The following AKAP13 variants were observed in gnomAD, a reference collection of about 807,000 sequenced individuals.
AKAP13 encodes A-kinase anchor protein 13.
In AKAP13, 80 loss-of-function variants were observed where a neutral mutation model predicts 264.5. The observed-to-expected ratio is 0.30, with a 90% CI of 0.25 to 0.36. AKAP13 has a LOEUF of 0.36. Ranked by LOEUF, AKAP13 falls within the 10% of genes least tolerant of loss-of-function variation. The pLI, the probability that AKAP13 is intolerant of heterozygous loss-of-function variation, is 1.00. For synonymous variants in AKAP13, 1,380 were observed against 1,250.2 expected (o/e 1.10, Z -2.19); for missense variants, 3,712 against 3,435.2 (o/e 1.08, Z -2.01).
intron 1 of AKAP13, among the ~76,000 whole-genome samples, chr15:85,392,323 C>T (rs1216746084): frequency 4.4e-5 from 6 of 137,798 alleles, no homozygotes; most frequent in East Asian, 2.1e-4. Context: ...GGCGCTATCT[C>T]GGCTCACTGC....
Position 85,658,568 on chromosome 15 carries a change from A to G in AKAP13, c.4777A>G (p.Arg1593Gly). ...GCGAGTTCTTGGGGATGTTGTCAGG[A>G]GACCTCCCATTCATAGGAGAAGGTA... Reference protein sequence around the residue: ...SMRVLGDVVRRPPIHRRSFSL... With the variant: ...SMRVLGDVVRGPPIHRRSFSL... Residue 1593 changes from arginine to glycine, a missense_variant, in exon 12 of 37, where the codon AGA becomes GGA. Physicochemically the swap from Arg to Gly is moderately radical, Grantham distance 125 (BLOSUM62 -2). Coordinates refer to ENST00000394518, the MANE Select transcript of AKAP13 (RefSeq NM_007200.5). 1 of 1,613,992 alleles carries G rather than the reference A, an allele frequency of 6.2e-7. No individual in the cohort carries two copies. The highest frequency in any genetic ancestry group is 8.5e-7 in the Non-Finnish European group (1 of 1,179,924).
At chr15:85,529,598 T>A (rs2077185793) in intron 3 of AKAP13, among the ~76,000 whole-genome samples, 1 of 152,166 alleles carries the variant, frequency 6.6e-6, no homozygotes, top group Admixed American at 6.5e-5. Context: ...TTTTAAAAAA[T>A]GCTGATTTAC....
rs768976850 is a variant in AKAP13 at position 85,727,175 on chromosome 15, T to C, written c.6932T>C (p.Val2311Ala). ...ATGGGGATGACAGATCCAGAGATGG[T>C]AGAAGTCCATGCCAGCTCCAAAGAG... ...ISMGMTDPEM[V>A]EVHASSKEER... The change falls in exon 28 of 37, where the codon GTA (valine) becomes GCA (alanine). Residue 2311 changes from valine to alanine, a missense_variant. Physicochemically the swap from Val to Ala is moderately conservative, Grantham distance 64 (BLOSUM62 0). Coordinates refer to ENST00000394518, the MANE Select transcript of AKAP13 (RefSeq NM_007200.5). This position sits in a 1 kb window ranked among gnomAD's most constrained non-coding sequence, Gnocchi z 5.3. The C allele has an allele frequency of 1.2e-5, 20 of 1,614,064 alleles. No homozygotes were observed. The highest frequency in any genetic ancestry group is 1.6e-5 in the Non-Finnish European group (19 of 1,180,038).
chr15:85,701,984 G>A (rs1249378531), intron 17 of AKAP13, among the ~76,000 whole-genome samples: 2 of 151,960 alleles, frequency 1.3e-5, no homozygotes, highest in Non-Finnish European at 2.9e-5. Flanking sequence ...GGTGGCTCAC[G>A]CCTGTAATCC....
chr15:85,557,547 A>C (rs1278832748), intron 5 of AKAP13, among the ~76,000 whole-genome samples: 1 of 152,080 alleles, frequency 6.6e-6, no homozygotes, highest in East Asian at 1.9e-4. Context: ...GCAGTGGCCC[A>C]GTCATGGCTC....
chr15:85,628,778 A>G (rs190350868), intron 8 of AKAP13, among the ~76,000 whole-genome samples: 65 of 152,346 alleles, frequency 4.3e-4, no homozygotes, highest in African/African-American at 1.5e-3. Context: ...ATTTTTGTCT[A>G]AATCAACAAT....
rs114160890 is a variant in AKAP13, at chr15:85,581,197, G to A, written c.3129G>A (p.Leu1043=). 141 of 1,613,862 alleles carry A rather than the reference G, an allele frequency of 8.7e-5. No homozygotes were observed. In the East Asian group the frequency reaches 3.1e-3, roughly 35 times the overall value. Residue 1043 remains leucine, a synonymous_variant, in exon 7 of 37, where the codon TTG becomes TTA. Transcript: ENST00000394518. The part of the protein sequence containing the change: ...LGAEHNSSAL[L]PCLLPDGSDG... Reference sequence around the variant, plus strand: ...CAGAGCACAACAGCTCCGCTCTGTTGCCATGTCTGTTGCCAGATGGGTCTG... The same window carrying A: ...CAGAGCACAACAGCTCCGCTCTGTTACCATGTCTGTTGCCAGATGGGTCTG...
At chr15:85,692,608 C>T (rs1350927717) in intron 16 of AKAP13, among the ~76,000 whole-genome samples, 2 of 152,130 alleles carry the variant, frequency 1.3e-5, no homozygotes, top group African/African-American at 4.8e-5. Context: ...GGTTTTCCAG[C>T]CTCCCCTTCT....
At chr15:85,533,207 G>A (rs999369695) in intron 3 of AKAP13, among the ~76,000 whole-genome samples, 3 of 152,114 alleles carry the variant, frequency 2.0e-5, no homozygotes, top group Non-Finnish European at 4.4e-5. Context: ...TAGTTCAGTA[G>A]CTATTGGACT....
intron 5 of AKAP13, among the ~76,000 whole-genome samples, chr15:85,563,744 C>G (rs1351020952): frequency 1.3e-5 from 2 of 152,154 alleles, no homozygotes; most frequent in Non-Finnish European, 2.9e-5. Flanking sequence ...TAAGAGGGTG[C>G]TAATATTTAT....
chr15:85,462,848 C>T (rs1307412810), intron 1 of AKAP13, among the ~76,000 whole-genome samples: 1 of 150,634 alleles, frequency 6.6e-6, no homozygotes, highest in South Asian at 2.1e-4. Flanking sequence ...AATGATGAAA[C>T]CCCGTCTCTA....
At chr15:85,604,785 TCAG>T (rs200464495) in intron 8 of AKAP13, among the ~76,000 whole-genome samples, 1 of 94,704 alleles carries the variant, frequency 1.1e-5, no homozygotes, top group Non-Finnish European at 2.4e-5. Context: ...TTTAGGTTCA[TCAG>T]AATGAGAGTT....
In AKAP13 at chr15:85,644,737, G is replaced by A. The variant is rs962180018; in HGVS notation, c.4238-1081G>A. On this transcript the variant is annotated intron_variant, in intron 9 of 36. Coordinates refer to ENST00000394518, the MANE Select transcript of AKAP13 (RefSeq NM_007200.5). ...AAAAATTAGCCAGGCATGGTGGCACGTGCCTGTAGTCCCAGCTACTCAAGA... is the reference window on the plus strand; with the variant it reads ...AAAAATTAGCCAGGCATGGTGGCACATGCCTGTAGTCCCAGCTACTCAAGA... Among the ~76,000 whole-genome samples, 6 of 150,234 alleles carry A rather than the reference G, an allele frequency of 4.0e-5. No individual in the cohort carries two copies. In the South Asian group the frequency reaches 1.3e-3, roughly 32 times the overall value.
chr15:85,584,609 C>T lies in AKAP13; in HGVS notation c.4040-1093C>T, dbSNP rs562933613. 2.0e-5 allele frequency among the ~76,000 whole-genome samples: 3 copies of T among 152,212 alleles called. No homozygotes were observed. The East Asian group carries it at 5.8e-4, about 29-fold the overall frequency. On this transcript the variant is annotated intron_variant, in intron 7 of 36. Coordinates refer to ENST00000394518, the MANE Select transcript of AKAP13 (RefSeq NM_007200.5). ...GGAAACTTGTTTACCCATTTTTAAA[C>T]TGCTGGTAAGATTATATAATTATAA... is the stretch of plus-strand genomic sequence containing the variant.
intron 30 of AKAP13, among the ~76,000 whole-genome samples, chr15:85,733,497 A>G (rs2088198687): frequency 6.6e-6 from 1 of 152,162 alleles, no homozygotes; most frequent in Non-Finnish European, 1.5e-5. Flanking sequence ...ATGTGGTTTC[A>G]AATTTTTCAG....
At chr15:85,460,914 T>G (rs2074484596) in intron 1 of AKAP13, among the ~76,000 whole-genome samples, 1 of 151,794 alleles carries the variant, frequency 6.6e-6, no homozygotes, top group Non-Finnish European at 1.5e-5. Context: ...GTGAGATCGA[T>G]CTCAGATTTC....
chr15:85,721,670 T>C (rs1346309292), intron 23 of AKAP13, among the ~76,000 whole-genome samples: 1 of 152,280 alleles, frequency 6.6e-6, no homozygotes, highest in Non-Finnish European at 1.5e-5. Flanking sequence ...TTACTCTGTT[T>C]ATGACAAATA....
At chr15:85,551,040 C>G (rs2077945753) in intron 5 of AKAP13, among the ~76,000 whole-genome samples, 1 of 152,192 alleles carries the variant, frequency 6.6e-6, no homozygotes, top group Non-Finnish European at 1.5e-5. Context: ...TCGCTCTTTT[C>G]ACAACCTGTC....
In AKAP13 at chr15:85,585,770, G is replaced by GTA; in HGVS notation, c.4109_4110dup (p.Gly1371Ter). The GTA allele has an allele frequency of 6.2e-7, 1 of 1,614,164 alleles. No individual in the cohort carries two copies. Among genetic ancestry groups the GTA allele is most frequent in the Non-Finnish European group, 8.5e-7 (1 of 1,179,990 alleles). ...AAGTTCAATTTCTGAAGAAGTGGCT[G>GTA]TAGGGAGCATAGCTGCTACACTGAA... On this transcript the variant is annotated frameshift_variant, in exon 8 of 37. Transcript: ENST00000394518. LOFTEE classifies it high-confidence loss of function.
Sources: allele counts gnomAD v4.1 joint callset (sites outside exome capture counted in the v4.1 genomes callset), GRCh38; gene constraint gnomAD v4.1.1; non-coding constraint Gnocchi (gnomAD v3.1); transcripts MANE v1.5; gene names NCBI Gene and HGNC (gene_info 2026-07-23, HGNC 2026-07-21).